Variants in JAK1 observed in about 807,000 individuals in gnomAD.
JAK1 encodes tyrosine-protein kinase JAK1.
In JAK1, 16 loss-of-function variants were observed where a neutral mutation model predicts 136.6. The observed-to-expected ratio is 0.12, with a 90% CI of 0.08 to 0.18. JAK1 has a LOEUF of 0.18. JAK1 is among the 10% of genes least tolerant of loss of function. JAK1 has a pLI of 1.00. For synonymous variants in JAK1, 492 were observed against 519.5 expected (o/e 0.95, Z 0.72); for missense variants, 859 against 1,450.1 (o/e 0.59, Z 6.62).
At chr1:64,983,021 G>A (rs529003943) in intron 2 of JAK1, among the ~76,000 whole-genome samples, 12 of 152,178 alleles carry the variant, frequency 7.9e-5, no homozygotes, top group African/African-American at 2.9e-4. Context: ...ACAACCAGAG[G>A]GAACAGTGAG....
intron 2 of JAK1, among the ~76,000 whole-genome samples, chr1:64,994,258 G>A (rs1646683385): frequency 6.6e-6 from 1 of 152,138 alleles, no homozygotes; most frequent in Admixed American, 6.5e-5. Flanking sequence ...ATTTCATATT[G>A]TACACAAACT....
At chr1:64,969,675 T>A (rs776106695), upstream of JAK1, among the ~76,000 whole-genome samples, 12 of 152,118 alleles carry the variant, frequency 7.9e-5, no homozygotes, top group African/African-American at 1.2e-4. Context: ...GAATGGACAG[T>A]GCTTGGTGAC....
intron 2 of JAK1, chr1:64,993,135 C>T (rs1249107972): frequency 6.6e-6 from 1 of 152,192 alleles, no homozygotes; most frequent in Non-Finnish European, 1.5e-5. Flanking sequence ...GACCTGCCCA[C>T]ACATCAAGGG....
chr1:65,001,682 G>GTT (rs1646758879), intron 2 of JAK1, among the ~76,000 whole-genome samples: 1 of 148,516 alleles, frequency 6.7e-6, no homozygotes, highest in Non-Finnish European at 1.5e-5. Flanking sequence ...TGTGTGTGGG[G>GTT]GGGGGGGTAT....
intron 1 of JAK1, among the ~76,000 whole-genome samples, chr1:64,944,605 T>G (rs374473008): frequency 6.6e-6 from 1 of 151,114 alleles, no homozygotes; most frequent in African/African-American, 2.4e-5. Context: ...AGCCACCCAA[T>G]AGAAATCTAC....
intron 2 of JAK1, among the ~76,000 whole-genome samples, chr1:65,024,660 C>CA (rs11349903): frequency 0.045 from 3,103 of 69,496 alleles, 55 homozygotes; most frequent in African/African-American, 0.088. Flanking sequence ...TGGTCCAAAG[C>CA]AAAAAAAAAA....
intron 1 of JAK1, among the ~76,000 whole-genome samples, chr1:64,929,232 G>A (rs1645646603): frequency 6.6e-6 from 1 of 152,198 alleles, no homozygotes. Flanking sequence ...AGGCTGCATT[G>A]TAATAAAAAG....
intron 2 of JAK1, among the ~76,000 whole-genome samples, chr1:65,004,389 G>A (rs1382239151): frequency 2.6e-5 from 4 of 152,208 alleles, no homozygotes; most frequent in Non-Finnish European, 5.9e-5. Flanking sequence ...TAAGGTGTTT[G>A]GTGCTCTGCA....
At chr1:64,834,689 A>ATGTT (rs1654358989) in intron 24 of JAK1, 32 bp from the exon 25 acceptor site, 1 of 1,365,800 alleles carries the variant, frequency 7.3e-7, no homozygotes, top group South Asian at 1.2e-5. Flanking sequence ...AACAGTAAAA[A>ATGTT]TGTTAGATCT....
At chr1:65,034,640 T>TA (rs1454755124) in intron 2 of JAK1, among the ~76,000 whole-genome samples, 1 of 152,022 alleles carries the variant, frequency 6.6e-6, no homozygotes, top group Non-Finnish European at 1.5e-5. Context: ...GTTTTTCACT[T>TA]AAAAAAAAGT....
intron 1 of JAK1, among the ~76,000 whole-genome samples, chr1:65,049,442 AAACAC>A (rs1647226456): frequency 6.6e-6 from 1 of 152,068 alleles, no homozygotes; most frequent in Non-Finnish European, 1.5e-5. Flanking sequence ...CAATGACAAA[AAACAC>A]AACCCAAACA....
intron 2 of JAK1, among the ~76,000 whole-genome samples, chr1:65,013,294 G>A (rs1330203832): frequency 6.6e-6 from 1 of 151,264 alleles, no homozygotes; most frequent in East Asian, 1.9e-4. Context: ...CTACTCAGGA[G>A]GTTGAGGCAG....
Position 64,843,935 on chromosome 1 carries a change from T to C in JAK1, c.2403+129A>G, listed in dbSNP as rs1031424459. On this transcript the variant is annotated intron_variant, in intron 17 of 24. Coordinates refer to ENST00000342505, the MANE Select transcript of JAK1 (RefSeq NM_002227.4). ...TACATTTGTGAGGTCACACACCCAG[T>C]AGGCCCGTGAAGAGATTCAAACCCA... 4 of 982,354 alleles carry C rather than the reference T, an allele frequency of 4.1e-6. No individual in the cohort carries two copies. In the South Asian group the frequency reaches 4.7e-5, roughly 11 times the overall value. The allele number at this position is 982,354 out of a possible 1,614,324, so 60.9% of individuals were successfully genotyped here.
intron 2 of JAK1, among the ~76,000 whole-genome samples, chr1:65,026,535 C>G (rs1221482139): frequency 1.3e-5 from 2 of 152,126 alleles, no homozygotes; most frequent in African/African-American, 2.4e-5. Context: ...TCCTCTAGAA[C>G]AGGAAAGAAG....
In JAK1 at chr1:64,860,242, G is replaced by C. The variant is rs753751477; in HGVS notation, c.1197C>G (p.His399Gln). ...GGGACACAAAGGACAAGGCCTCCTCGTGGGAAGAGAGCTTCAGTTCCTGTT... is the reference window on the plus strand; with the variant it reads ...GGGACACAAAGGACAAGGCCTCCTCCTGGGAAGAGAGCTTCAGTTCCTGTT... ...NKKMELKLSSHEEALSFVSLV... is the reference protein window; with the variant it reads ...NKKMELKLSSQEEALSFVSLV... The change falls in exon 9 of 25, where the codon CAC becomes CAG. Residue 399 changes from histidine to glutamine, a missense_variant. Around this residue, in one of 4 missense-constraint regions of JAK1, gnomAD observed 353 missense variants for 494.0 expected, o/e 0.71. Transcript: ENST00000342505. 1 of 1,605,510 alleles carries C rather than the reference G, an allele frequency of 6.2e-7. No homozygotes were observed. Among genetic ancestry groups the C allele is most frequent in the Non-Finnish European group, 8.5e-7 (1 of 1,174,454 alleles).
intron 1 of JAK1, among the ~76,000 whole-genome samples, chr1:64,901,108 G>T (rs1645098940): frequency 6.6e-6 from 1 of 152,178 alleles, no homozygotes; most frequent in Non-Finnish European, 1.5e-5. Flanking sequence ...AGGGACTGCA[G>T]CTGTTATCTG....
Position 64,902,583 on chromosome 1 carries a change from A to AGAGAGTGTGTGTGTGT in JAK1, c.-77-16243_-77-16242insACACACACACACTCTC. Among the ~76,000 whole-genome samples, 686 of 73,810 alleles carry AGAGAGTGTGTGTGTGT rather than the reference A, an allele frequency of 9.3e-3. 5 individuals are homozygous for AGAGAGTGTGTGTGTGT. Among genetic ancestry groups the AGAGAGTGTGTGTGTGT allele is most frequent in the South Asian group, 0.013 (21 of 1,570 alleles). 48.4% of individuals were successfully genotyped at this position (73,810 alleles called of 152,430 possible). ...GAGAGAGAGAGAGAGAGAGAGAGAG[A>AGAGAGTGTGTGTGTGT]GTGTGTGTGTGTGTGTGTGTGTGTG... On this transcript the variant is annotated intron_variant, in intron 1 of 24. Coordinates refer to ENST00000342505, the MANE Select transcript of JAK1 (RefSeq NM_002227.4).
In JAK1 at chr1:65,003,253, C is replaced by G. The variant is rs376108524; in HGVS notation, c.-78+41227G>C. ...TGTATTTCTTCGGGTAACTGGGTTG[C>G]CCTTTAAAATGTGGAGATTGTCCTT... On this transcript the variant is annotated intron_variant, in intron 2 of 25. Coordinates refer to the JAK1 transcript ENST00000671954. Among the ~76,000 whole-genome samples, 18 of 152,092 alleles carry G rather than the reference C, an allele frequency of 1.2e-4. 1 individual carries two copies. The highest frequency in any genetic ancestry group is 3.3e-4 in the Admixed American group (5 of 15,276).
Position 64,902,583 on chromosome 1 carries a change from A to AGAGAGAGAGAGAGAGAGAGAGTGTGT in JAK1, c.-77-16243_-77-16242insACACACTCTCTCTCTCTCTCTCTCTC. Among the ~76,000 whole-genome samples, 195 of 73,772 alleles carry AGAGAGAGAGAGAGAGAGAGAGTGTGT rather than the reference A, an allele frequency of 2.6e-3. 4 individuals are homozygous for AGAGAGAGAGAGAGAGAGAGAGTGTGT. Among genetic ancestry groups the AGAGAGAGAGAGAGAGAGAGAGTGTGT allele is most frequent in the Middle Eastern group, 0.021 (2 of 96 alleles). The allele number at this position is 73,772 out of a possible 152,430, so 48.4% of individuals were successfully genotyped here. A position where few individuals can be genotyped will look rare whatever the true frequency, so the allele number is the denominator to read the frequency against. ...GAGAGAGAGAGAGAGAGAGAGAGAGAGTGTGTGTGTGTGTGTGTGTGTGTG... is the reference window on the plus strand; with the variant it reads ...GAGAGAGAGAGAGAGAGAGAGAGAGAGAGAGAGAGAGAGAGAGAGAGTGTGTGTGTGTGTGTGTGTGTGTGTGTGTG... On this transcript the variant is annotated intron_variant, in intron 1 of 24. Coordinates refer to ENST00000342505, the MANE Select transcript of JAK1 (RefSeq NM_002227.4).
Sources: gnomAD v4.1 joint callset for allele counts (sites outside exome capture counted in the v4.1 genomes callset) on GRCh38, gnomAD v4.1.1 for gene constraint, gnomAD v4.1.1 regional missense constraint, MANE v1.5 for transcripts, NCBI Gene and HGNC (gene_info 2026-07-23, HGNC 2026-07-21) for gene names.